TANGO6: variants seen among roughly 807,000 people sequenced by gnomAD.
The protein encoded by TANGO6 is transport and golgi organization 6 homolog.
Under a neutral mutation model 114.2 loss-of-function variants are expected in TANGO6, and 90 were observed. The observed-to-expected ratio is 0.79, with a 90% CI of 0.66 to 0.94. The LOEUF (loss-of-function observed/expected upper bound fraction) is 0.94, where lower values mean the gene tolerates loss of function less well. TANGO6 is among the 40% of genes least tolerant of loss of function. The pLI is 0.00. For missense variants in TANGO6, 1,274 were observed against 1,315.3 expected (o/e 0.97, Z 0.49); for synonymous variants, 477 against 509.8 (o/e 0.94, Z 0.87).
chr16:69,074,992 G>A (rs1461293197), intron 17 of TANGO6, among the ~76,000 whole-genome samples: 2 of 151,962 alleles, frequency 1.3e-5, no homozygotes, highest in East Asian at 1.9e-4. Context: ...GGGATTACAG[G>A]CATGCGCCAC....
chr16:68,988,855 C>T (rs1445108163), intron 15 of TANGO6, among the ~76,000 whole-genome samples: 3 of 151,966 alleles, frequency 2.0e-5, no homozygotes, highest in African/African-American at 4.8e-5. Flanking sequence ...TGTGCCACCA[C>T]GTACAGCTAA....
chr16:69,047,051 C>T (rs554349193), intron 17 of TANGO6, among the ~76,000 whole-genome samples: 24 of 149,938 alleles, frequency 1.6e-4, no homozygotes, highest in African/African-American at 4.9e-4. Flanking sequence ...CGTGGTGGTC[C>T]GTGCCTATAA....
intron 17 of TANGO6, among the ~76,000 whole-genome samples, chr16:69,075,481 T>A (rs1283519808): frequency 1.3e-5 from 2 of 149,646 alleles, no homozygotes; most frequent in African/African-American, 4.9e-5. Context: ...TGAGACAGGG[T>A]CTCACTCTGT....
intron 7 of TANGO6, among the ~76,000 whole-genome samples, chr16:68,887,902 CAAAAA>C (rs1962560194): frequency 6.6e-6 from 1 of 151,894 alleles, no homozygotes; most frequent in Non-Finnish European, 1.5e-5. Flanking sequence ...ACAACAACAA[CAAAAA>C]AGAGTAAACC....
chr16:68,895,293 G>A (rs1962689960), intron 7 of TANGO6, among the ~76,000 whole-genome samples: 1 of 152,150 alleles, frequency 6.6e-6, no homozygotes, highest in Non-Finnish European at 1.5e-5. Context: ...AGGTTGCACT[G>A]AGGCGAGATC....
Position 68,878,157 on chromosome 16 carries a change from C to G in TANGO6, c.1171C>G (p.Arg391Gly). The G allele has an allele frequency of 6.2e-7, 1 of 1,610,928 alleles. No homozygotes were observed. The highest frequency in any genetic ancestry group is 8.5e-7 in the Non-Finnish European group (1 of 1,178,880). ...TCACTTTCAAGATAAATTGACAGCACGACAATTTCAGAGAGTTGCCACCAC... is the reference window on the plus strand; with the variant it reads ...TCACTTTCAAGATAAATTGACAGCAGGACAATTTCAGAGAGTTGCCACCAC... Reference protein sequence around the residue: ...LFHFQDKLTARQFQRVATTTF... With the variant: ...LFHFQDKLTAGQFQRVATTTF... Residue 391 changes from arginine (R) to glycine (G), a missense_variant, in exon 6 of 18, where the codon CGA becomes GGA. Coordinates refer to ENST00000261778, the MANE Select transcript of TANGO6 (RefSeq NM_024562.2).
chr16:69,011,464 T>G (rs183197887), intron 15 of TANGO6, among the ~76,000 whole-genome samples: 1 of 152,150 alleles, frequency 6.6e-6, no homozygotes, highest in Admixed American at 6.5e-5. Flanking sequence ...TCTTTTTTTT[T>G]TTTTTTGGAA....
intron 15 of TANGO6, among the ~76,000 whole-genome samples, chr16:68,979,375 G>A (rs1469354320): frequency 1.3e-5 from 2 of 151,966 alleles, no homozygotes; most frequent in East Asian, 1.9e-4. Context: ...GACTACAGGC[G>A]CGTGCCACTG....
chr16:68,885,231 T>C (rs1962524633), intron 7 of TANGO6, among the ~76,000 whole-genome samples: 1 of 152,218 alleles, frequency 6.6e-6, no homozygotes. Flanking sequence ...GAGAAGCATT[T>C]GGGAACATTT....
chr16:69,080,350 C>CT (rs1285546444), intron 17 of TANGO6, among the ~76,000 whole-genome samples: 2 of 152,034 alleles, frequency 1.3e-5, no homozygotes, highest in African/African-American at 4.8e-5. Context: ...GGGAGGGTTG[C>CT]TTGAGCCCAG....
At chr16:69,014,775 G>C (rs996648820) in intron 15 of TANGO6, among the ~76,000 whole-genome samples, 4 of 151,310 alleles carry the variant, frequency 2.6e-5, no homozygotes, top group Non-Finnish European at 4.4e-5. Flanking sequence ...TGCATCTATA[G>C]TCCCACCCTA....
chr16:69,050,044 G>T (rs1308481505), intron 17 of TANGO6, among the ~76,000 whole-genome samples: 1 of 152,180 alleles, frequency 6.6e-6, no homozygotes, highest in East Asian at 1.9e-4. Flanking sequence ...GAACATTTGT[G>T]TAGAAGTTTT....
chr16:68,995,342 A>T (rs1312812356), intron 15 of TANGO6, among the ~76,000 whole-genome samples: 1 of 152,196 alleles, frequency 6.6e-6, no homozygotes, highest in Non-Finnish European at 1.5e-5. Context: ...TGACATGTAG[A>T]CACCAGTAGG....
At chr16:68,872,955 G>A (rs1029471334) in intron 4 of TANGO6, among the ~76,000 whole-genome samples, 5 of 151,662 alleles carry the variant, frequency 3.3e-5, no homozygotes, top group Admixed American at 2.0e-4. Context: ...CACCTGCCTC[G>A]GCCTCCCAAA....
chr16:68,902,177 C>T lies in TANGO6; in HGVS notation c.1491-151C>T, dbSNP rs1344046907. On this transcript the variant is annotated intron_variant, in intron 8 of 17. Coordinates refer to ENST00000261778, the MANE Select transcript of TANGO6 (RefSeq NM_024562.2). Reference sequence around the variant, plus strand: ...CATTCTGAAATTCACAAGAAGCATACTTTCCATTCCTGCATTTCAGTAGTA... The same window carrying T: ...CATTCTGAAATTCACAAGAAGCATATTTTCCATTCCTGCATTTCAGTAGTA... The T allele has an allele frequency of 1.5e-5, 9 of 598,804 alleles. No individual in the cohort carries two copies. In the East Asian group the frequency reaches 3.0e-4, roughly 20 times the overall value. 37.1% of individuals were successfully genotyped at this position (598,804 alleles called of 1,614,324 possible).
rs566957755 is a variant in TANGO6 at position 68,865,328 on chromosome 16, G to A, written c.853-1751G>A. 1.2e-4 allele frequency among the ~76,000 whole-genome samples: 18 copies of A among 150,848 alleles called. No individual in the cohort carries two copies. In the South Asian group the frequency reaches 3.6e-3, roughly 30 times the overall value. Reference sequence around the variant, plus strand: ...TGACAGCAACATGATCAGTGTTCTAGCCCAAAATAAGGGCTAGAACATTCA... The same window carrying A: ...TGACAGCAACATGATCAGTGTTCTAACCCAAAATAAGGGCTAGAACATTCA... On this transcript the variant is annotated intron_variant, in intron 3 of 17. Coordinates refer to ENST00000261778, the MANE Select transcript of TANGO6 (RefSeq NM_024562.2).
At chr16:69,079,575 T>TA (rs11356267) in intron 17 of TANGO6, among the ~76,000 whole-genome samples, 7 of 150,920 alleles carry the variant, frequency 4.6e-5, no homozygotes, top group African/African-American at 7.3e-5. Flanking sequence ...ATAATGGACT[T>TA]AAAAAAAAAT....
chr16:69,075,435 A>G (rs1338597892), intron 17 of TANGO6, among the ~76,000 whole-genome samples: 1 of 151,834 alleles, frequency 6.6e-6, no homozygotes, highest in African/African-American at 2.4e-5. Context: ...GAAACTCTAC[A>G]CAACACGAAT....
chr16:68,999,606 CAGAT>C (rs1241926768), intron 15 of TANGO6, among the ~76,000 whole-genome samples: 3 of 152,224 alleles, frequency 2.0e-5, no homozygotes, highest in South Asian at 2.1e-4. Flanking sequence ...CTGGAGAAAT[CAGAT>C]AGAGAGAAAG....
Sources: allele counts gnomAD v4.1 joint callset (sites outside exome capture counted in the v4.1 genomes callset), GRCh38; gene constraint gnomAD v4.1.1; transcripts MANE v1.5; gene names NCBI Gene and HGNC (gene_info 2026-07-23, HGNC 2026-07-21).